Variants in SGCZ observed in about 807,000 individuals in gnomAD.
The protein encoded by SGCZ is zeta-sarcoglycan.
Under a neutral mutation model 41.3 loss-of-function variants are expected in SGCZ, and 40 were observed. The observed-to-expected ratio is 0.97, with a 90% CI of 0.75 to 1.26. SGCZ has a LOEUF of 1.26. SGCZ is among the 50% of genes most tolerant of loss of function. The pLI is 0.00. For missense variants in SGCZ, 552 were observed against 369.8 expected, an observed-to-expected ratio of 1.49 and a Z score of -4.04; for synonymous variants, 206 against 137.5, an observed-to-expected ratio of 1.50 and a Z score of -3.49.
intron 2 of SGCZ, 29 bp from the exon 3 acceptor site, chr8:14,324,233 T>A: frequency 6.6e-7 from 1 of 1,522,616 alleles, no homozygotes; most frequent in Non-Finnish European, 9.1e-7. Flanking sequence ...AGTTCACTTT[T>A]AGGTTAATTG....
At chr8:14,481,623 C>T (rs973028024) in intron 2 of SGCZ, among the ~76,000 whole-genome samples, 7 of 152,088 alleles carry the variant, frequency 4.6e-5, no homozygotes, top group Non-Finnish European at 1.0e-4. Flanking sequence ...TTTGTAACAT[C>T]ACTTGCCTCT....
chr8:14,496,696 AC>A (rs1801997716), intron 2 of SGCZ, among the ~76,000 whole-genome samples: 1 of 152,012 alleles, frequency 6.6e-6, no homozygotes, highest in African/African-American at 2.4e-5. Flanking sequence ...CTCTGGTTTT[AC>A]TTATTTATTT....
At chr8:15,184,071 T>C (rs910624633) in intron 1 of SGCZ, among the ~76,000 whole-genome samples, 7 of 152,170 alleles carry the variant, frequency 4.6e-5, no homozygotes, top group Non-Finnish European at 8.8e-5. Flanking sequence ...TTTTATTTAT[T>C]TTCCGTTTCA....
intron 1 of SGCZ, among the ~76,000 whole-genome samples, chr8:14,656,794 A>C (rs1423613819): frequency 1.3e-5 from 2 of 151,978 alleles, no homozygotes; most frequent in African/African-American, 4.8e-5. Flanking sequence ...TCTAAAATGG[A>C]AATTGTGTAT....
chr8:14,986,892 C>T (rs1434931447), intron 1 of SGCZ, among the ~76,000 whole-genome samples: 1 of 151,700 alleles, frequency 6.6e-6, no homozygotes, highest in African/African-American at 2.4e-5. Flanking sequence ...GTTATAAATA[C>T]TCAGTAAGGA....
At chr8:14,804,518 A>G (rs1383242127) in intron 1 of SGCZ, among the ~76,000 whole-genome samples, 1 of 128,448 alleles carries the variant, frequency 7.8e-6, no homozygotes. Context: ...GCGAGAAGGG[A>G]AGGTTAGAGA....
chr8:14,362,865 A>G (rs963926179), intron 2 of SGCZ, among the ~76,000 whole-genome samples: 5 of 152,206 alleles, frequency 3.3e-5, no homozygotes, highest in African/African-American at 1.2e-4. Context: ...AGAAACTTTT[A>G]TCTACATATA....
In SGCZ at chr8:14,693,293, C is replaced by CTTT. The variant is rs10639083; in HGVS notation, c.40-138370_40-138368dup. The stretch of plus-strand genomic sequence containing the variant: ...ATTTCAAAAAAGATTAATTGAATAC[C>CTTT]TTTTTTTTTTTTCCCCCAGATGAAA... On this transcript the variant is annotated intron_variant, in intron 1 of 7. Coordinates refer to ENST00000382080, the MANE Select transcript of SGCZ (RefSeq NM_139167.4). Among the ~76,000 whole-genome samples, 20 of 146,326 alleles carry CTTT rather than the reference C, an allele frequency of 1.4e-4. 1 individual carries two copies. The South Asian group carries it at 2.4e-3, about 17-fold the overall frequency.
chr8:14,110,474 T>C (rs150568136), intron 5 of SGCZ, among the ~76,000 whole-genome samples: 1 of 152,254 alleles, frequency 6.6e-6, no homozygotes, highest in East Asian at 1.9e-4. Context: ...TAAAAACTGA[T>C]AGAGGTCTCA....
intron 2 of SGCZ, among the ~76,000 whole-genome samples, chr8:14,382,982 G>C (rs1201583884): frequency 6.6e-6 from 1 of 152,098 alleles, no homozygotes; most frequent in Non-Finnish European, 1.5e-5. Context: ...TGTCCCCTGA[G>C]AGAAAACATA....
At chr8:14,534,339 T>C (rs1803229326) in intron 2 of SGCZ, among the ~76,000 whole-genome samples, 2 of 141,688 alleles carry the variant, frequency 1.4e-5, no homozygotes, top group Admixed American at 7.1e-5. Flanking sequence ...GCTCTTTCTG[T>C]CTAAACTCTC....
intron 2 of SGCZ, among the ~76,000 whole-genome samples, chr8:14,449,490 T>G (rs988169717): frequency 6.6e-6 from 1 of 152,304 alleles, no homozygotes; most frequent in East Asian, 1.9e-4. Context: ...ATACACTTAA[T>G]GACATAATCA....
chr8:14,856,838 C>T (rs1427211723), intron 1 of SGCZ, among the ~76,000 whole-genome samples: 1 of 152,084 alleles, frequency 6.6e-6, no homozygotes, highest in South Asian at 2.1e-4. Flanking sequence ...TAAAAGCAAA[C>T]CATACCTCAC....
chr8:15,023,626 C>G (rs1239239239), intron 1 of SGCZ, among the ~76,000 whole-genome samples: 1 of 152,100 alleles, frequency 6.6e-6, no homozygotes, highest in East Asian at 1.9e-4. Flanking sequence ...TGTGATACTG[C>G]TACAACATTT....
chr8:15,143,160 A>G (rs1234949936), intron 1 of SGCZ, among the ~76,000 whole-genome samples: 1 of 152,226 alleles, frequency 6.6e-6, no homozygotes, highest in African/African-American at 2.4e-5. Flanking sequence ...GAAGCCAAAA[A>G]TCATGGACAT....
intron 1 of SGCZ, among the ~76,000 whole-genome samples, chr8:15,236,283 C>A (rs1482813454): frequency 6.6e-6 from 1 of 152,216 alleles, no homozygotes; most frequent in Non-Finnish European, 1.5e-5. Flanking sequence ...GCCTGGAGAA[C>A]TGGGCTCCTG....
chr8:14,540,042 T>G (rs904803335), intron 2 of SGCZ, among the ~76,000 whole-genome samples: 1 of 151,820 alleles, frequency 6.6e-6, no homozygotes, highest in South Asian at 2.1e-4. Context: ...AAATAAACTA[T>G]GAAGAATTTA....
At chr8:14,466,045 T>C (rs569882539) in intron 2 of SGCZ, among the ~76,000 whole-genome samples, 35 of 152,084 alleles carry the variant, frequency 2.3e-4, no homozygotes, top group Admixed American at 7.2e-4. Flanking sequence ...ACAGTTTATC[T>C]TTACTGATAT....
chr8:14,802,704 C>T (rs1413851461), intron 1 of SGCZ, among the ~76,000 whole-genome samples: 2 of 152,074 alleles, frequency 1.3e-5, no homozygotes, highest in Non-Finnish European at 2.9e-5. Context: ...CTTATTGAAA[C>T]TGGTATATAT....
Sources: allele counts gnomAD v4.1 joint callset (sites outside exome capture counted in the v4.1 genomes callset), GRCh38; gene constraint gnomAD v4.1.1; transcripts MANE v1.5; gene names NCBI Gene and HGNC (gene_info 2026-07-23, HGNC 2026-07-21).